Variants in CABP4 observed in about 807,000 individuals in gnomAD.
CABP4 encodes the protein calcium-binding protein 4.
CABP4 carries 30 observed loss-of-function variants against 30.7 expected under a neutral mutation model. That is an observed-to-expected ratio of 0.98 (90% confidence interval 0.73 to 1.33). The LOEUF (loss-of-function observed/expected upper bound fraction) is 1.33, where lower values mean the gene tolerates loss of function less well. CABP4 is among the 40% of genes most tolerant of loss of function. The probability of loss-of-function intolerance (pLI) is 0.00; values close to 1 mark genes in which losing one functional copy is unlikely to be tolerated. For synonymous variants in CABP4, 161 were observed against 159.2 expected, an observed-to-expected ratio of 1.01 and a Z score of -0.08; for missense variants, 424 against 395.5, an observed-to-expected ratio of 1.07 and a Z score of -0.61.
At position 67,455,448 on chromosome 11, in the gene CABP4, C is replaced by G. The variant is rs1864730153; in HGVS notation, c.25C>G (p.Gln9Glu). MTTEQARG[Q>E]QGPNLAIGRQ... ...CATGACCACAGAGCAGGCAAGGGGG[C>G]AGCAGGGCCCAAATCTGGCCATTGG... The change falls in exon 1 of 6, where the codon CAG (glutamine) becomes GAG (glutamate). Residue 9 changes from glutamine (Q) to glutamate (E), a missense_variant. By Grantham distance (29) the Gln-to-Glu change is conservative. Coordinates refer to ENST00000325656, the MANE Select transcript of CABP4 (RefSeq NM_145200.5). 1 of 1,611,270 alleles carries G rather than the reference C, an allele frequency of 6.2e-7. No individual in the cohort carries two copies. The highest frequency in any genetic ancestry group is 1.3e-5 in the African/African-American group (1 of 75,010).
upstream of CABP4, chr11:67,453,675 A>AAG (rs1416733606): frequency 1.3e-5 from 2 of 151,858 alleles, no homozygotes; most frequent in African/African-American, 4.9e-5. Context: ...AAAAAAAAAA[A>AAG]AAAAAGTATT....
Position 67,458,374 on chromosome 11 carries a change from G to A in CABP4, c.655G>A (p.Asp219Asn). 6.2e-7 allele frequency: 1 copy of A among 1,605,598 alleles called. No individual in the cohort carries two copies. The highest frequency in any genetic ancestry group is 8.5e-7 in the Non-Finnish European group (1 of 1,173,650). ...RELRIAFREF[D>N]RDRDGRITVA... ...CTGAGCTTTGCGGGGACCTTAGTTT[G>A]ACAGGGACAGGGATGGACGAATTAC... Residue 219 changes from aspartate (D) to asparagine (N), a missense_variant, in exon 5 of 6, where the codon GAC becomes AAC. Transcript: ENST00000325656.
In CABP4 at chr11:67,458,855, T is replaced by C; in HGVS notation, c.*196T>C. 1.5e-6 allele frequency: 1 copy of C among 670,660 alleles called. No individual in the cohort carries two copies. Among genetic ancestry groups the C allele is most frequent in the East Asian group, 2.8e-5 (1 of 36,248 alleles). 41.5% of individuals were successfully genotyped at this position (670,660 alleles called of 1,614,324 possible). A position where few individuals can be genotyped will look rare whatever the true frequency, so the allele number is the denominator to read the frequency against. ...CACCCTCATCCTTACCTCCTCCTAC[T>C]CAAGCTGCCTGGAGAAGACCTGCTC... On this transcript the variant is annotated 3_prime_UTR_variant, in exon 6 of 6. Coordinates refer to ENST00000325656, the MANE Select transcript of CABP4 (RefSeq NM_145200.5).
In CABP4 at chr11:67,461,685, G is replaced by A. The variant is rs946221027; in HGVS notation, c.*3026G>A. 2 of 152,160 alleles carry A rather than the reference G, an allele frequency of 1.3e-5. No homozygotes were observed. The highest frequency in any genetic ancestry group is 2.4e-5 in the African/African-American group (1 of 41,430). The allele number at this position is 152,160 out of a possible 1,614,324, so 9.4% of individuals were successfully genotyped here. A position where few individuals can be genotyped will look rare whatever the true frequency, so the allele number is the denominator to read the frequency against. ...CGCAACTCTGCTGTTGAAGTTTGTA[G>A]TGCAAAGTCAAGTCAACAAATGAGT... On this transcript the variant is annotated 3_prime_UTR_variant, in exon 6 of 6. Coordinates refer to ENST00000325656, the MANE Select transcript of CABP4 (RefSeq NM_145200.5).
At chr11:67,454,959 G>A (rs1864707415), upstream of CABP4, among the ~76,000 whole-genome samples, 1 of 152,210 alleles carries the variant, frequency 6.6e-6, no homozygotes, top group Non-Finnish European at 1.5e-5. Flanking sequence ...CCACCTCCCA[G>A]CCGTTGTCCG....
At chr11:67,452,627 G>A (rs778997675), upstream of CABP4, 15 of 1,613,570 alleles carry the variant, frequency 9.3e-6, no homozygotes, top group South Asian at 4.4e-5. Context: ...CAGGAAGACC[G>A]TGTCCCAGCC....
chr11:67,452,466 G>C, upstream of CABP4: 1 of 1,612,104 alleles, frequency 6.2e-7, no homozygotes. Flanking sequence ...TCTAGGATCT[G>C]GAAGGCCGCT....
In CABP4 at chr11:67,455,643, C is replaced by T. The variant is rs781765153; in HGVS notation, c.220C>T (p.Pro74Ser). The change falls in exon 1 of 6, where the codon CCC (proline) becomes TCC (serine). Residue 74 changes from proline (P) to serine (S), a missense_variant. By Grantham distance (74) the Pro-to-Ser change is moderately conservative (BLOSUM62 -1). Coordinates refer to ENST00000325656, the MANE Select transcript of CABP4 (RefSeq NM_145200.5). ...PEAPGSSNNPPSTGEGPAGAP... is the reference protein window; with the variant it reads ...PEAPGSSNNPSSTGEGPAGAP... ...GGCCCCGGGGAGCAGCAATAACCCT[C>T]CCAGCACTGGAGAGGGGCCGGCGGG... The T allele has an allele frequency of 5.6e-6, 9 of 1,610,116 alleles. No homozygotes were observed. The highest frequency in any genetic ancestry group is 2.7e-5 in the African/African-American group (2 of 74,906).
rs1051333994 is a variant in CABP4 at position 67,457,644 on chromosome 11, A to G, written c.613A>G (p.Met205Val). The change falls in exon 4 of 6, where the codon ATG becomes GTG. Residue 205 changes from methionine to valine, a missense_variant. Transcript: ENST00000325656. ...GPKLREETAH[M>V]LGVRELRIAF... is the part of the protein sequence containing the mutation. ...AAAGCTGAGGGAGGAGACGGCGCAC[A>G]TGCTGGGGGTGCGAGAGCTGCGCAT... The G allele has an allele frequency of 2.5e-6, 4 of 1,604,490 alleles. No individual in the cohort carries two copies. The highest frequency in any genetic ancestry group is 2.2e-5 in the South Asian group (2 of 89,138).
chr11:67,453,001 ACTTTTCTTTTCTTTTCTTTTTT>A, upstream of CABP4: 2 of 345,130 alleles, frequency 5.8e-6, no homozygotes, highest in Non-Finnish European at 5.1e-6. Flanking sequence ...CTCAACCCAG[ACTTTTCTTTTCTTTTCTTTTTT>A]TTTTTTTGAG....
intron 3 of CABP4, 29 bp downstream of exon 3, chr11:67,456,471 A>G: frequency 6.2e-7 from 1 of 1,604,194 alleles, no homozygotes; most frequent in Non-Finnish European, 8.5e-7. Flanking sequence ...CCGCCCGGGC[A>G]GCCTGCGTAG....
In CABP4 at chr11:67,457,420, G is replaced by A. The variant is rs1257568220; in HGVS notation, c.542-153G>A. On this transcript the variant is annotated intron_variant, in intron 3 of 5. Coordinates refer to ENST00000325656, the MANE Select transcript of CABP4 (RefSeq NM_145200.5). ...CTGGTACCCCAGCAGCCAAGGACGG[G>A]GGTTCCAGCCTCCTATCTGCTGCAG... 2.0e-5 allele frequency among the ~76,000 whole-genome samples: 3 copies of A among 152,176 alleles called. No individual in the cohort carries two copies. The East Asian group carries it at 5.8e-4, about 29-fold the overall frequency.
upstream of CABP4, chr11:67,455,313 CG>C (rs1864722371): frequency 1.4e-6 from 2 of 1,425,530 alleles, no homozygotes; most frequent in Non-Finnish European, 9.4e-7. Flanking sequence ...CCTCAGAGCC[CG>C]ATCCTAGGCT....
rs773166096 is a variant in CABP4, at chr11:67,455,663, G to A, written c.240G>A (p.Pro80=). The change falls in exon 1 of 6, where the codon CCG becomes CCA. Residue 80 remains proline, a synonymous_variant. Transcript: ENST00000325656. ...ACCCTCCCAGCACTGGAGAGGGGCC[G>A]GCGGGCGCACCCCCTGCATCCCCTG... The part of the protein sequence containing the change: ...SNNPPSTGEG[P]AGAPPASPGP... 14 of 1,609,420 alleles carry A rather than the reference G, an allele frequency of 8.7e-6. No individual in the cohort carries two copies. Among genetic ancestry groups the A allele is most frequent in the East Asian group, 6.7e-5 (3 of 44,800 alleles).
chr11:67,456,400 G>A lies in CABP4; in HGVS notation c.499G>A (p.Glu167Lys), dbSNP rs765171666. ...CMRTLGYMPT[E>K]MELLEVSQHI... ...GCGGACCCTGGGCTACATGCCCACCGAGATGGAGCTCCTGGAGGTCTCGCA... is the reference window on the plus strand; with the variant it reads ...GCGGACCCTGGGCTACATGCCCACCAAGATGGAGCTCCTGGAGGTCTCGCA... Residue 167 changes from glutamate (E) to lysine (K), a missense_variant, in exon 3 of 6, where the codon GAG becomes AAG. By Grantham distance (56) the Glu-to-Lys change is moderately conservative. Transcript: ENST00000325656. 3.7e-6 allele frequency: 6 copies of A among 1,612,918 alleles called. No individual in the cohort carries two copies. Among genetic ancestry groups the A allele is most frequent in the East Asian group, 2.2e-5 (1 of 44,880 alleles).
chr11:67,454,784 C>T (rs1270651174), upstream of CABP4, among the ~76,000 whole-genome samples: 1 of 152,184 alleles, frequency 6.6e-6, no homozygotes, highest in Non-Finnish European at 1.5e-5. Context: ...CCAGAGCAGA[C>T]TCTAAGACCC....
rs749055593 is a variant in CABP4 at position 67,460,778 on chromosome 11, C to G, written c.*2119C>G. 6.7e-6 allele frequency among the ~76,000 whole-genome samples: 1 copy of G among 148,312 alleles called. No individual in the cohort carries two copies. The highest frequency in any genetic ancestry group is 1.5e-5 in the Non-Finnish European group (1 of 67,246). On this transcript the variant is annotated 3_prime_UTR_variant, in exon 6 of 6. Coordinates refer to ENST00000325656, the MANE Select transcript of CABP4 (RefSeq NM_145200.5). ...CGGGCGGGTCACAGGGTCAGGAGAT[C>G]GAGACCATCCTGGCTAACACAGTGA...
chr11:67,455,060 C>T (rs1188197863), upstream of CABP4, among the ~76,000 whole-genome samples: 1 of 152,260 alleles, frequency 6.6e-6, no homozygotes, highest in Non-Finnish European at 1.5e-5. Flanking sequence ...GTCTTCTGCG[C>T]TCTAGCATTA....
At position 67,460,518 on chromosome 11, in the gene CABP4, C is replaced by T. The variant is rs7936733; in HGVS notation, c.*1859C>T. On this transcript the variant is annotated 3_prime_UTR_variant, in exon 6 of 6. Coordinates refer to ENST00000325656, the MANE Select transcript of CABP4 (RefSeq NM_145200.5). ...AAAAATAAAGTATATTTTATATATACACACACACACACACACACACACACA... is the reference window on the plus strand; with the variant it reads ...AAAAATAAAGTATATTTTATATATATACACACACACACACACACACACACA... Among the ~76,000 whole-genome samples the T allele has an allele frequency of 0.01, 1,194 of 117,918 alleles. 20 individuals are homozygous for T. The highest frequency in any genetic ancestry group is 0.071 in the South Asian group (326 of 4,614). The allele number at this position is 117,918 out of a possible 152,430, so 77.4% of individuals were successfully genotyped here. A position where few individuals can be genotyped will look rare whatever the true frequency, so the allele number is the denominator to read the frequency against.
Sources: gnomAD v4.1 joint callset for allele counts (sites outside exome capture counted in the v4.1 genomes callset) on GRCh38, gnomAD v4.1.1 for gene constraint, MANE v1.5 for transcripts, NCBI Gene and HGNC (gene_info 2026-07-23, HGNC 2026-07-21) for gene names.